LARP1B: variants seen among roughly 807,000 people sequenced by gnomAD.
LARP1B encodes the protein la-related protein 1B.
Under a neutral mutation model 114.2 loss-of-function variants are expected in LARP1B, and 76 were observed. The observed-to-expected ratio is 0.67, with a 90% CI of 0.55 to 0.81. The LOEUF (loss-of-function observed/expected upper bound fraction) is 0.81, where lower values mean the gene tolerates loss of function less well. Ranked by LOEUF, LARP1B falls within the 30% of genes least tolerant of loss-of-function variation. The pLI is 0.00. For missense variants in LARP1B, 1,014 were observed against 1,075.8 expected (o/e 0.94, Z 0.80); for synonymous variants, 345 against 348.0 (o/e 0.99, Z 0.10).
chr4:128,122,438 G>GTTTTTTTTTTTTTTTTTTTTTT lies in LARP1B; in HGVS notation c.1524+265_1524+266insTTTTTTTTTTTTTTTTTTTTTT, dbSNP rs377102754. 2.2e-5 allele frequency: 26 copies of GTTTTTTTTTTTTTTTTTTTTTT among 1,189,574 alleles called. No individual in the cohort carries two copies. The African/African-American group carries it at 2.7e-4, about 12-fold the overall frequency. 73.7% of individuals were successfully genotyped at this position (1,189,574 alleles called of 1,614,324 possible). A position where few individuals can be genotyped will look rare whatever the true frequency, so the allele number is the denominator to read the frequency against. On this transcript the variant is annotated intron_variant, in intron 11 of 19. Transcript: ENST00000326639. ...TTAGTACTCACTGACTTATACCCTTGTTTTTTTTTTTTTTTGTTTTGTTTT... is the reference window on the plus strand; with the variant it reads ...TTAGTACTCACTGACTTATACCCTTGTTTTTTTTTTTTTTTTTTTTTTTTTTTTTTTTTTTTTGTTTTGTTTT...
chr4:128,149,178 GTAT>G (rs1731604034), intron 11 of LARP1B, among the ~76,000 whole-genome samples: 1 of 152,098 alleles, frequency 6.6e-6, no homozygotes, highest in Admixed American at 6.5e-5. Flanking sequence ...CATTTAAAAA[GTAT>G]TATTATTGCT....
chr4:128,103,329 A>G (rs1215559991), intron 8 of LARP1B, among the ~76,000 whole-genome samples: 1 of 152,168 alleles, frequency 6.6e-6, no homozygotes, highest in Non-Finnish European at 1.5e-5. Context: ...AAATTACACA[A>G]AATTCAAAAC....
intron 5 of LARP1B, among the ~76,000 whole-genome samples, chr4:128,082,801 CTTCTT>C (rs1193606652): frequency 1.0e-4 from 8 of 78,656 alleles, no homozygotes; most frequent in South Asian, 5.1e-4. Flanking sequence ...ATATCATTTT[CTTCTT>C]TTTTTTTTTT....
intron 15 of LARP1B, among the ~76,000 whole-genome samples, chr4:128,196,955 ATAT>A (rs1754368313): frequency 6.6e-6 from 1 of 152,228 alleles, no homozygotes; most frequent in South Asian, 2.1e-4. Context: ...AGAAGGATAA[ATAT>A]TATACGATCC....
chr4:128,106,350 C>T lies in LARP1B; in HGVS notation c.814-789C>T, dbSNP rs569811350. On this transcript the variant is annotated intron_variant, in intron 8 of 19. Transcript: ENST00000326639. Reference sequence around the variant, plus strand: ...TTCTTAATTATATACAGCATGTTCTCCAGCTAAAATGTAGTGGGCTTTAAT... The same window carrying T: ...TTCTTAATTATATACAGCATGTTCTTCAGCTAAAATGTAGTGGGCTTTAAT... Among the ~76,000 whole-genome samples the T allele has an allele frequency of 3.9e-5, 6 of 152,214 alleles. No homozygotes were observed. The East Asian group carries it at 1.2e-3, about 29-fold the overall frequency.
rs116808693 is a variant in LARP1B at position 128,109,910 on chromosome 4, T to G, written c.988+2597T>G. Among the ~76,000 whole-genome samples, 635 of 152,112 alleles carry G rather than the reference T, an allele frequency of 4.2e-3. 6 individuals are homozygous for G. Among genetic ancestry groups the G allele is most frequent in the African/African-American group, 0.012 (517 of 41,410 alleles). ...TTTGGAGAGTTCAGTTGATATTTTT[T>G]TTGTTGTTGTTGAGACGGAGCCTCA... On this transcript the variant is annotated intron_variant, in intron 9 of 19. Coordinates refer to ENST00000326639, the MANE Select transcript of LARP1B (RefSeq NM_018078.4).
chr4:128,096,151 G>T (rs973789714), intron 7 of LARP1B, among the ~76,000 whole-genome samples: 1 of 151,914 alleles, frequency 6.6e-6, no homozygotes, highest in Non-Finnish European at 1.5e-5. Context: ...CCGCCACCTT[G>T]CCCGGCTAAT....
At chr4:128,185,814 C>T (rs1303271298) in intron 15 of LARP1B, among the ~76,000 whole-genome samples, 1 of 152,114 alleles carries the variant, frequency 6.6e-6, no homozygotes. Context: ...AATTTCATAG[C>T]TTTGGGTCCT....
intron 7 of LARP1B, among the ~76,000 whole-genome samples, chr4:128,095,348 G>C (rs1204513013): frequency 6.6e-6 from 1 of 151,832 alleles, no homozygotes; most frequent in African/African-American, 2.4e-5. Context: ...AATTAGCCGG[G>C]CATGGTGGCA....
At chr4:128,182,803 A>G (rs1749015298) in intron 15 of LARP1B, among the ~76,000 whole-genome samples, 2 of 152,240 alleles carry the variant, frequency 1.3e-5, no homozygotes, top group African/African-American at 4.8e-5. Flanking sequence ...GAGGGAAATT[A>G]AAAGTGCTAC....
At chr4:128,096,852 A>G (rs368716154) in intron 7 of LARP1B, among the ~76,000 whole-genome samples, 23 of 151,956 alleles carry the variant, frequency 1.5e-4, no homozygotes, top group African/African-American at 3.4e-4. Context: ...TGCCCGCCTC[A>G]GCCTCCCAAA....
intron 15 of LARP1B, among the ~76,000 whole-genome samples, chr4:128,197,289 G>GT (rs1754488806): frequency 6.6e-6 from 1 of 152,134 alleles, no homozygotes; most frequent in Non-Finnish European, 1.5e-5. Context: ...AGTATTGGTT[G>GT]TAACTGTCAG....
intron 1 of LARP1B, chr4:128,062,138 C>G: frequency 3.0e-6 from 3 of 985,406 alleles, no homozygotes; most frequent in Non-Finnish European, 3.6e-6. Flanking sequence ...TAAGGGAAAT[C>G]CCTGGACCAA....
chr4:128,198,755 G>T (rs1040515053), intron 15 of LARP1B, among the ~76,000 whole-genome samples: 6 of 152,210 alleles, frequency 3.9e-5, no homozygotes, highest in African/African-American at 1.4e-4. Flanking sequence ...GATAACTTTG[G>T]TGGCAGGATA....
chr4:128,156,039 C>T, intron 11 of LARP1B: 1 of 1,581,616 alleles, frequency 6.3e-7, no homozygotes, highest in Non-Finnish European at 8.6e-7. Context: ...CACTGCACAC[C>T]CCCAAGCTCA....
intron 8 of LARP1B, 44 bp from the exon 9 acceptor site, chr4:128,107,095 A>C: frequency 6.6e-7 from 1 of 1,516,950 alleles, no homozygotes; most frequent in Non-Finnish European, 9.1e-7. Context: ...TAGCACAGAC[A>C]GTGAAATAGC....
intron 11 of LARP1B, among the ~76,000 whole-genome samples, chr4:128,143,796 G>GGTGTGTGTGTGTGTGTGT (rs72408437): frequency 0.077 from 11,405 of 147,684 alleles, 546 homozygotes; most frequent in Admixed American, 0.13. Flanking sequence ...TAAGGCACAG[G>GGTGTGTGTGTGTGTGTGT]GTGTGTGTGT....
intron 9 of LARP1B, chr4:128,107,899 C>T (rs1334858938): frequency 2.6e-6 from 4 of 1,535,922 alleles, no homozygotes; most frequent in Non-Finnish European, 3.5e-6. Context: ...TGATGATCTT[C>T]TGAAGCTCTT....
At chr4:128,082,332 G>T in intron 5 of LARP1B, 27 bp downstream of exon 5, 2 of 1,602,852 alleles carry the variant, frequency 1.2e-6, no homozygotes, top group Non-Finnish European at 1.7e-6. Flanking sequence ...AGACAAAAAT[G>T]ACTAAGGAAA....
Sources: gnomAD v4.1 joint callset for allele counts (sites outside exome capture counted in the v4.1 genomes callset) on GRCh38, gnomAD v4.1.1 for gene constraint, MANE v1.5 for transcripts, NCBI Gene and HGNC (gene_info 2026-07-23, HGNC 2026-07-21) for gene names.